The following CCDC138 variants were observed in gnomAD, a reference collection of about 807,000 sequenced individuals.
The protein encoded by CCDC138 is coiled-coil domain-containing protein 138.
A neutral mutation model predicts 82.3 loss-of-function variants in CCDC138; 66 were observed. That is an observed-to-expected ratio of 0.80 (90% CI 0.66 to 0.98). The LOEUF is 0.98. Ranked by LOEUF, CCDC138 falls within the 50% of genes least tolerant of loss-of-function variation. CCDC138 has a pLI of 0.00. For missense variants in CCDC138, 816 were observed against 758.9 expected (o/e 1.08, Z -0.88); for synonymous variants, 297 against 265.4 (o/e 1.12, Z -1.16).
At chr2:108,826,663 G>T (rs1686655915) in intron 10 of CCDC138, among the ~76,000 whole-genome samples, 1 of 152,240 alleles carries the variant, frequency 6.6e-6, no homozygotes, top group African/African-American at 2.4e-5. Context: ...TAGCTTTGTA[G>T]TAAATTTTGA....
chr2:108,836,250 A>G (rs1347595639), intron 10 of CCDC138, among the ~76,000 whole-genome samples: 1 of 152,226 alleles, frequency 6.6e-6, no homozygotes, highest in Non-Finnish European at 1.5e-5. Flanking sequence ...GGATGGAATC[A>G]TAATAGTATT....
intron 11 of CCDC138, among the ~76,000 whole-genome samples, chr2:108,841,185 T>C (rs1225791122): frequency 6.6e-6 from 1 of 152,176 alleles, no homozygotes; most frequent in Non-Finnish European, 1.5e-5. Context: ...ACTCTGTTTT[T>C]CTAGTTTAGT....
rs186096514 is a variant in CCDC138 at position 108,788,889 on chromosome 2, A to T, written c.189A>T (p.Ser63=). 6.2e-7 allele frequency: 1 copy of T among 1,614,132 alleles called. No homozygotes were observed. Among genetic ancestry groups the T allele is most frequent in the East Asian group, 2.2e-5 (1 of 44,858 alleles). ...LDIYSGDKVG[S]SLKYSDESKH... ...TCTACTCTGGAGATAAAGTTGGTTC[A>T]TCGTTAAAATATTCTGATGAAAGCA... Residue 63 remains serine, a synonymous_variant, in exon 3 of 15, where the codon TCA becomes TCT. Transcript: ENST00000295124.
intron 7 of CCDC138, among the ~76,000 whole-genome samples, chr2:108,809,160 G>C (rs956577766): frequency 6.6e-6 from 1 of 152,074 alleles, no homozygotes; most frequent in African/African-American, 2.4e-5. Context: ...TCTCTATGCT[G>C]TTCCATTAGT....
At chr2:108,787,017 C>T (rs1678935227) in intron 1 of CCDC138, 102 bp downstream of exon 1, 1 of 665,246 alleles carries the variant, frequency 1.5e-6, no homozygotes, top group Admixed American at 4.5e-5. Context: ...CGGCTCTGGT[C>T]CCGGCCCCGG....
At chr2:108,866,877 T>A (rs1694499341) in intron 13 of CCDC138, among the ~76,000 whole-genome samples, 1 of 150,072 alleles carries the variant, frequency 6.7e-6, no homozygotes, top group African/African-American at 2.5e-5. Flanking sequence ...AGTAAGACTG[T>A]CTGAAAAAAA....
chr2:108,812,481 C>A, intron 7 of CCDC138, 150 bp from the exon 8 acceptor site: 1 of 599,840 alleles, frequency 1.7e-6, no homozygotes, highest in Non-Finnish European at 3.0e-6. Context: ...ACGACAACTT[C>A]AGTTGTGATC....
At chr2:108,794,064 G>T (rs1314103589) in intron 4 of CCDC138, among the ~76,000 whole-genome samples, 1 of 152,022 alleles carries the variant, frequency 6.6e-6, no homozygotes, top group Non-Finnish European at 1.5e-5. Flanking sequence ...TAAAAGAAGA[G>T]GTTATAGAAA....
At chr2:108,821,083 T>C (rs1685616034) in intron 10 of CCDC138, among the ~76,000 whole-genome samples, 1 of 152,176 alleles carries the variant, frequency 6.6e-6, no homozygotes, top group East Asian at 1.9e-4. Context: ...TGTGGCCGGG[T>C]GCGGTGGCTC....
chr2:108,852,372 C>T (rs1490576537), intron 12 of CCDC138, among the ~76,000 whole-genome samples: 6 of 152,140 alleles, frequency 3.9e-5, no homozygotes, highest in South Asian at 2.1e-4. Flanking sequence ...AAGACAAATG[C>T]CATTCAACCC....
chr2:108,861,472 CTTTTTTTTTTTTTTT>C (rs201132350), intron 13 of CCDC138, among the ~76,000 whole-genome samples: 170 of 123,440 alleles, frequency 1.4e-3, no homozygotes, highest in East Asian at 4.4e-3. Context: ...AACTTTCTTC[CTTTTTTTTTTTTTTT>C]TTTTTTTTTT....
chr2:108,831,700 T>TTCCTTCCTTCCTTCCTTCCTTC (rs1553418473), intron 10 of CCDC138, among the ~76,000 whole-genome samples: 2 of 145,152 alleles, frequency 1.4e-5, no homozygotes, highest in African/African-American at 5.2e-5. Flanking sequence ...TGGCACAGAA[T>TTCCTTCCTTCCTTCCTTCCTTC]CTTCCTTCCT....
intron 10 of CCDC138, among the ~76,000 whole-genome samples, chr2:108,826,918 G>T (rs1686708596): frequency 6.6e-6 from 1 of 152,052 alleles, no homozygotes; most frequent in African/African-American, 2.4e-5. Context: ...ATTTCTTTCA[G>T]CTATATTTTC....
chr2:108,809,326 T>A (rs1460354355), intron 7 of CCDC138, among the ~76,000 whole-genome samples: 1 of 152,196 alleles, frequency 6.6e-6, no homozygotes, highest in Admixed American at 6.5e-5. Flanking sequence ...ATACACAGTT[T>A]AGAATTTTTT....
chr2:108,804,868 GT>G lies in CCDC138; in HGVS notation c.736-11del, dbSNP rs753278167. On this transcript the variant is annotated intron_variant, in intron 6 of 14. Coordinates refer to ENST00000295124, the MANE Select transcript of CCDC138 (RefSeq NM_144978.3). The stretch of plus-strand genomic sequence containing the variant: ...CAGTCCTTACAAGTTTTAGATGAGA[GT>G]TTTTTTTTTCTCCTCCTAGCAGCAT... The G allele has an allele frequency of 4.4e-4, 600 of 1,356,110 alleles. 1 individual carries two copies. Among genetic ancestry groups the G allele is most frequent in the South Asian group, 1.5e-3 (91 of 61,910 alleles). 84.0% of individuals were successfully genotyped at this position (1,356,110 alleles called of 1,614,324 possible).
intron 2 of CCDC138, chr2:108,883,769 A>T (rs1696355278): frequency 6.6e-6 from 1 of 152,114 alleles, no homozygotes; most frequent in Admixed American, 6.5e-5. Flanking sequence ...GTGCTTTGTG[A>T]CTCAAGGGTC....
intron 4 of CCDC138, among the ~76,000 whole-genome samples, chr2:108,792,218 A>G (rs965551325): frequency 2.6e-5 from 4 of 152,124 alleles, no homozygotes; most frequent in Admixed American, 2.6e-4. Context: ...GGCACCCTTC[A>G]CCCTCTGGGC....
intron 11 of CCDC138, among the ~76,000 whole-genome samples, chr2:108,842,140 G>A (rs1360797421): frequency 1.3e-5 from 2 of 151,840 alleles, no homozygotes; most frequent in Non-Finnish European, 2.9e-5. Context: ...CAATCCTTCT[G>A]CCTCAGCCTC....
In CCDC138 at chr2:108,812,902, A is replaced by T. The variant is rs2149840759; in HGVS notation, c.1016A>T (p.Lys339Ile). Residue 339 changes from lysine (K) to isoleucine (I), a missense_variant, in exon 9 of 15, where the codon AAA (lysine) becomes ATA (isoleucine). Physicochemically the swap from Lys to Ile is moderately radical, Grantham distance 102 (BLOSUM62 -3). Coordinates refer to ENST00000295124, the MANE Select transcript of CCDC138 (RefSeq NM_144978.3). ...GAAATGAAAAGTTTAAAACAAGAAA[A>T]AGCACCAGTTTCAAAAACTTACAAG... ...VHEMKSLKQE[K>I]APVSKTYKVP... 1 of 1,613,612 alleles carries T rather than the reference A, an allele frequency of 6.2e-7. No individual in the cohort carries two copies. The highest frequency in any genetic ancestry group is 2.2e-5 in the East Asian group (1 of 44,846).
Sources: allele counts gnomAD v4.1 joint callset (sites outside exome capture counted in the v4.1 genomes callset), GRCh38; gene constraint gnomAD v4.1.1; transcripts MANE v1.5; gene names NCBI Gene and HGNC (gene_info 2026-07-23, HGNC 2026-07-21).